TMEM132D: variants seen among roughly 807,000 people sequenced by gnomAD.
TMEM132D encodes transmembrane protein 132D.
TMEM132D carries 21 observed loss-of-function variants against 62.3 expected under a neutral mutation model. That is an observed-to-expected ratio of 0.34 (90% CI 0.24 to 0.49). The LOEUF (loss-of-function observed/expected upper bound fraction) is 0.49, where lower values mean the gene tolerates loss of function less well. TMEM132D is among the 20% of genes least tolerant of loss of function. TMEM132D has a pLI of 0.99. For missense variants in TMEM132D, 1,346 were observed against 1,402.8 expected, an observed-to-expected ratio of 0.96 and a Z score of 0.65; for synonymous variants, 621 against 575.6, an observed-to-expected ratio of 1.08 and a Z score of -1.13.
At chr12:129,889,680 T>A (rs962095101) in intron 1 of TMEM132D, among the ~76,000 whole-genome samples, 2 of 152,220 alleles carry the variant, frequency 1.3e-5, no homozygotes, top group African/African-American at 2.4e-5. Flanking sequence ...TAAAGAAAGA[T>A]CCTTGTAACG....
chr12:129,459,118 T>A lies in TMEM132D; in HGVS notation c.1115+71941A>T, dbSNP rs963147581. On this transcript the variant is annotated intron_variant, in intron 3 of 8. Transcript: ENST00000422113. Reference sequence around the variant, plus strand: ...CTCCTCCCTGAAGGTCTCTGTGACTTTCCCTTCACCTTGGCTCATGGTGAG... The same window carrying A: ...CTCCTCCCTGAAGGTCTCTGTGACTATCCCTTCACCTTGGCTCATGGTGAG... Among the ~76,000 whole-genome samples the A allele has an allele frequency of 3.9e-5, 6 of 152,224 alleles. No individual in the cohort carries two copies. The East Asian group carries it at 7.7e-4, about 20-fold the overall frequency.
intron 5 of TMEM132D, among the ~76,000 whole-genome samples, chr12:129,166,997 C>T (rs1158350519): frequency 6.6e-6 from 1 of 151,854 alleles, no homozygotes; most frequent in Admixed American, 6.6e-5. Flanking sequence ...AACCCTGTCT[C>T]TACTGAAAAT....
chr12:129,592,308 G>A (rs565687674), intron 2 of TMEM132D, among the ~76,000 whole-genome samples: 11 of 152,158 alleles, frequency 7.2e-5, no homozygotes, highest in Non-Finnish European at 1.6e-4. Context: ...TAGATGGACC[G>A]AGATGTAGCA....
chr12:129,755,701 T>C (rs1870146914), intron 1 of TMEM132D, among the ~76,000 whole-genome samples: 1 of 152,196 alleles, frequency 6.6e-6, no homozygotes, highest in African/African-American at 2.4e-5. Flanking sequence ...TCTGGAAAGA[T>C]AGGGAAGAGA....
intron 1 of TMEM132D, among the ~76,000 whole-genome samples, chr12:129,859,311 T>C (rs1369578655): frequency 1.3e-5 from 2 of 152,236 alleles, no homozygotes; most frequent in African/African-American, 4.8e-5. Flanking sequence ...GGTGTAAAAG[T>C]AATTGCAGCT....
At chr12:129,580,578 C>T (rs910385568) in intron 2 of TMEM132D, among the ~76,000 whole-genome samples, 2 of 152,072 alleles carry the variant, frequency 1.3e-5, no homozygotes, top group Admixed American at 1.3e-4. Flanking sequence ...GTGGCATGCA[C>T]CTGTAGACCC....
At chr12:129,612,307 T>A (rs573017843) in intron 2 of TMEM132D, among the ~76,000 whole-genome samples, 1 of 152,218 alleles carries the variant, frequency 6.6e-6, no homozygotes, top group Non-Finnish European at 1.5e-5. Flanking sequence ...GCCCTTTCCA[T>A]CCTCCCCCTT....
At chr12:129,763,275 C>T (rs1279696066) in intron 1 of TMEM132D, among the ~76,000 whole-genome samples, 1 of 152,092 alleles carries the variant, frequency 6.6e-6, no homozygotes, top group Non-Finnish European at 1.5e-5. Context: ...ATGGGGTTTC[C>T]TCATGTTTCC....
chr12:129,372,430 C>T lies in TMEM132D; in HGVS notation c.1116-34613G>A, dbSNP rs111554960. On this transcript the variant is annotated intron_variant, in intron 3 of 8. Coordinates refer to ENST00000422113, the MANE Select transcript of TMEM132D (RefSeq NM_133448.3). Reference sequence around the variant, plus strand: ...ATCGTTGATGTTACCACCTGCATTCCATCTCCTGTCAGGTCAGGATCAGCA... The same window carrying T: ...ATCGTTGATGTTACCACCTGCATTCTATCTCCTGTCAGGTCAGGATCAGCA... 3.1e-3 allele frequency among the ~76,000 whole-genome samples: 466 copies of T among 152,298 alleles called. 5 individuals carry two copies. The highest frequency in any genetic ancestry group is 0.011 in the African/African-American group (438 of 41,564).
At chr12:129,121,197 G>A (rs1386753677) in intron 5 of TMEM132D, among the ~76,000 whole-genome samples, 1 of 152,152 alleles carries the variant, frequency 6.6e-6, no homozygotes, top group Non-Finnish European at 1.5e-5. Flanking sequence ...CTGAGTTCAA[G>A]CGATTCTCCT....
intron 3 of TMEM132D, among the ~76,000 whole-genome samples, chr12:129,435,862 T>G (rs1166016951): frequency 1.3e-5 from 2 of 152,194 alleles, no homozygotes; most frequent in African/African-American, 4.8e-5. Flanking sequence ...CTTCATGTAT[T>G]TTCTACTAGG....
At chr12:129,480,059 T>G (rs1054216657) in intron 3 of TMEM132D, among the ~76,000 whole-genome samples, 1 of 146,092 alleles carries the variant, frequency 6.8e-6, no homozygotes, top group African/African-American at 2.5e-5. Flanking sequence ...TCCTAGAGAT[T>G]TGAAGAAAGT....
intron 5 of TMEM132D, among the ~76,000 whole-genome samples, chr12:129,153,773 C>T (rs560910634): frequency 2.6e-5 from 4 of 152,160 alleles, no homozygotes; most frequent in Admixed American, 6.5e-5. Flanking sequence ...AAGCATCAGG[C>T]GGACGTGATT....
chr12:129,546,796 G>A (rs1016019372), intron 2 of TMEM132D, among the ~76,000 whole-genome samples: 19 of 150,236 alleles, frequency 1.3e-4, no homozygotes, highest in East Asian at 9.7e-4. Flanking sequence ...GCGATACTCC[G>A]TCTCAAAAAA....
intron 5 of TMEM132D, among the ~76,000 whole-genome samples, chr12:129,120,899 T>C (rs890566631): frequency 2.0e-5 from 3 of 152,040 alleles, no homozygotes; most frequent in African/African-American, 7.2e-5. Context: ...GGTAAAATGC[T>C]AAAGAGTAAA....
At chr12:129,400,557 G>C (rs117771048) in intron 3 of TMEM132D, among the ~76,000 whole-genome samples, 1 of 152,152 alleles carries the variant, frequency 6.6e-6, no homozygotes, top group Non-Finnish European at 1.5e-5. Flanking sequence ...ATCCCTGCCA[G>C]ACACGGTCCT....
intron 3 of TMEM132D, among the ~76,000 whole-genome samples, chr12:129,495,613 A>G (rs1874926743): frequency 1.3e-5 from 2 of 152,158 alleles, no homozygotes; most frequent in Non-Finnish European, 2.9e-5. Flanking sequence ...GGTGACCCCG[A>G]GTCACGTCCC....
intron 3 of TMEM132D, among the ~76,000 whole-genome samples, chr12:129,364,480 G>T (rs1282837994): frequency 6.6e-6 from 1 of 152,242 alleles, no homozygotes; most frequent in Non-Finnish European, 1.5e-5. Flanking sequence ...CCTATGCAAA[G>T]CTTGTAGAGG....
At chr12:129,359,107 G>A (rs1870166703) in intron 3 of TMEM132D, among the ~76,000 whole-genome samples, 1 of 152,152 alleles carries the variant, frequency 6.6e-6, no homozygotes, top group Non-Finnish European at 1.5e-5. Context: ...AAGGAAAGAA[G>A]TTCCGAGTCA....
Sources: allele counts gnomAD v4.1 joint callset (sites outside exome capture counted in the v4.1 genomes callset), GRCh38; gene constraint gnomAD v4.1.1; transcripts MANE v1.5; gene names NCBI Gene and HGNC (gene_info 2026-07-23, HGNC 2026-07-21).